Variants in ADGRL2 observed in about 807,000 individuals in gnomAD.
The protein encoded by ADGRL2 is adhesion G protein-coupled receptor L2, also known as calcium-independent alpha-latrotoxin receptor 2.
ADGRL2 carries 44 observed loss-of-function variants against 157.4 expected under a neutral mutation model. The observed-to-expected ratio is 0.28, with a 90% CI of 0.22 to 0.36. The LOEUF (loss-of-function observed/expected upper bound fraction) is 0.36, where lower values mean the gene tolerates loss of function less well. Ranked by LOEUF, ADGRL2 falls within the 10% of genes least tolerant of loss-of-function variation. ADGRL2 has a pLI of 1.00. For synonymous variants in ADGRL2, 585 were observed against 624.7 expected (o/e 0.94, Z 0.95); for missense variants, 1,510 against 1,768.9 (o/e 0.85, Z 2.63).
At chr1:81,467,255 A>G (rs2078076331) in intron 2 of ADGRL2, among the ~76,000 whole-genome samples, 1 of 152,144 alleles carries the variant, frequency 6.6e-6, no homozygotes, top group African/African-American at 2.4e-5. Flanking sequence ...AATTAATGAG[A>G]AATATCTTCC....
chr1:81,685,877 C>T (rs903527468), intron 3 of ADGRL2, among the ~76,000 whole-genome samples: 8 of 152,144 alleles, frequency 5.3e-5, no homozygotes, highest in African/African-American at 1.9e-4. Context: ...GCTTTTTCTG[C>T]ATCTATTGTG....
chr1:81,986,837 A>T, intron 21 of ADGRL2, 64 bp from the exon 22 acceptor site: 1 of 1,530,852 alleles, frequency 6.5e-7, no homozygotes, highest in Non-Finnish European at 8.9e-7. Flanking sequence ...TACAACTGTA[A>T]CACTAAAATA....
At chr1:81,349,006 G>A (rs1461556982) in intron 1 of ADGRL2, among the ~76,000 whole-genome samples, 2 of 152,174 alleles carry the variant, frequency 1.3e-5, no homozygotes, top group African/African-American at 4.8e-5. Flanking sequence ...AATACTCCAA[G>A]AGATTCAGTC....
chr1:81,951,069 G>T lies in ADGRL2; in HGVS notation c.1556G>T (p.Gly519Val). The change falls in exon 8 of 24, where the codon GGC becomes GTC. Residue 519 changes from glycine to valine, a missense_variant. Physicochemically the swap from Gly to Val is moderately radical, Grantham distance 109 (BLOSUM62 -3). This residue lies in a region of ADGRL2 where 325 missense variants were observed against 333.2 expected (regional missense o/e 0.98). Transcript: ENST00000686636. ...MISTGTWNPK[G>V]PDLSNCTSHW... Reference sequence around the variant, plus strand: ...TCCACTGGAACATGGAACCCTAAGGGCCCCGATCTTAGCAACTGTACCTCA... The same window carrying T: ...TCCACTGGAACATGGAACCCTAAGGTCCCCGATCTTAGCAACTGTACCTCA... 6.2e-7 allele frequency: 1 copy of T among 1,613,508 alleles called. No homozygotes were observed. Among genetic ancestry groups the T allele is most frequent in the East Asian group, 2.2e-5 (1 of 44,850 alleles).
chr1:81,397,425 T>G (rs1456944237), intron 1 of ADGRL2, among the ~76,000 whole-genome samples: 2 of 146,224 alleles, frequency 1.4e-5, no homozygotes, highest in African/African-American at 5.1e-5. Flanking sequence ...GTTCACGCCA[T>G]TCTCCTGCCT....
At chr1:81,683,257 A>G (rs1025688896) in intron 3 of ADGRL2, among the ~76,000 whole-genome samples, 1 of 152,218 alleles carries the variant, frequency 6.6e-6, no homozygotes, top group African/African-American at 2.4e-5. Flanking sequence ...TTAAACCCCA[A>G]AATATTAAGC....
chr1:81,539,007 CA>C (rs71242586), intron 2 of ADGRL2, among the ~76,000 whole-genome samples: 18,233 of 82,452 alleles, frequency 0.22, 879 homozygotes, highest in African/African-American at 0.29. Context: ...GACCCTGTCT[CA>C]AAAAAAAAAA....
chr1:81,985,645 T>A (rs1662931789), intron 21 of ADGRL2, among the ~76,000 whole-genome samples: 1 of 151,978 alleles, frequency 6.6e-6, no homozygotes, highest in Non-Finnish European at 1.5e-5. Flanking sequence ...TGAACTTTTT[T>A]AACCTTTCTT....
At chr1:81,790,627 A>G (rs1202854471) in intron 2 of ADGRL2, among the ~76,000 whole-genome samples, 3 of 152,234 alleles carry the variant, frequency 2.0e-5, no homozygotes, top group Non-Finnish European at 4.4e-5. Flanking sequence ...ATACTGAACT[A>G]AATATTACAA....
chr1:81,427,397 G>A, intron 1 of ADGRL2: 1 of 743,244 alleles, frequency 1.3e-6, no homozygotes, highest in South Asian at 1.4e-5. Flanking sequence ...ATATGGTGGT[G>A]GTGGTGGAGG....
rs1271051259 is a variant in ADGRL2 at position 81,318,982 on chromosome 1, C to T, written c.-302+12473C>T. Among the ~76,000 whole-genome samples, 5 of 121,940 alleles carry T rather than the reference C, an allele frequency of 4.1e-5. No individual in the cohort carries two copies. In the East Asian group the frequency reaches 9.5e-4, roughly 23 times the overall value. The allele number at this position is 121,940 out of a possible 152,430, so 80.0% of individuals were successfully genotyped here. ...TTGAGATGGAGTTTCACTCTTGTTG[C>T]CCAGGCTGGAGTGCAATGGAGCGAT... On this transcript the variant is annotated intron_variant, in intron 1 of 24. Transcript: ENST00000370721.
intron 2 of ADGRL2, among the ~76,000 whole-genome samples, chr1:81,559,581 C>G (rs1168535483): frequency 6.6e-6 from 1 of 151,666 alleles, no homozygotes; most frequent in Admixed American, 6.6e-5. Context: ...TCTCCTATAA[C>G]TTTAGTGTCT....
At chr1:81,696,758 AAAAACAAAAAAC>A (rs574132880), upstream of ADGRL2, among the ~76,000 whole-genome samples, 152 of 152,204 alleles carry the variant, frequency 1.0e-3, no homozygotes, top group South Asian at 0.018. Flanking sequence ...TCTCAAAAAC[AAAAACAAAAAAC>A]AAAACAAAAA....
At chr1:81,557,513 G>GAA (rs199611272) in intron 2 of ADGRL2, 2 of 136,576 alleles carry the variant, frequency 1.5e-5, no homozygotes, top group Admixed American at 1.7e-4. Context: ...AAGAAAGAAA[G>GAA]AAAGAAAGAA....
At chr1:81,794,641 A>T (rs908523768) in intron 2 of ADGRL2, among the ~76,000 whole-genome samples, 2 of 152,158 alleles carry the variant, frequency 1.3e-5, no homozygotes, top group Admixed American at 6.5e-5. Flanking sequence ...ATGATTCTAA[A>T]TTTGGATGCT....
At chr1:81,319,220 T>C (rs1003927445) in intron 1 of ADGRL2, among the ~76,000 whole-genome samples, 2 of 152,116 alleles carry the variant, frequency 1.3e-5, no homozygotes, top group Non-Finnish European at 2.9e-5. Context: ...GTGCTGGGAT[T>C]ACAGGCGTGA....
At chr1:81,480,914 A>G (rs1242088241) in intron 2 of ADGRL2, among the ~76,000 whole-genome samples, 1 of 152,240 alleles carries the variant, frequency 6.6e-6, no homozygotes, top group East Asian at 1.9e-4. Flanking sequence ...TCTTACAGTT[A>G]TGAAGAAATT....
intron 3 of ADGRL2, among the ~76,000 whole-genome samples, chr1:81,661,790 G>T (rs2082655582): frequency 6.6e-6 from 1 of 152,062 alleles, no homozygotes; most frequent in East Asian, 1.9e-4. Context: ...AAATCATAGG[G>T]TCACCATATG....
chr1:81,643,463 C>T (rs1172947722), intron 3 of ADGRL2, among the ~76,000 whole-genome samples: 1 of 152,092 alleles, frequency 6.6e-6, no homozygotes, highest in Non-Finnish European at 1.5e-5. Flanking sequence ...CAAGTATGTG[C>T]CACCATACCT....
Sources: gnomAD v4.1 joint callset for allele counts (sites outside exome capture counted in the v4.1 genomes callset) on GRCh38, gnomAD v4.1.1 for gene constraint, gnomAD v4.1.1 regional missense constraint, MANE v1.5 for transcripts, NCBI Gene and HGNC (gene_info 2026-07-23, HGNC 2026-07-21) for gene names.